LMTK2: variants seen among roughly 807,000 people sequenced by gnomAD.
The protein encoded by LMTK2 is serine/threonine-protein kinase LMTK2.
LMTK2 carries 37 observed loss-of-function variants against 127.5 expected under a neutral mutation model. That is an observed-to-expected ratio of 0.29 (90% CI 0.22 to 0.38). The LOEUF (loss-of-function observed/expected upper bound fraction) is 0.38, where lower values mean the gene tolerates loss of function less well. LMTK2 is among the 10% of genes least tolerant of loss of function. The probability of loss-of-function intolerance (pLI) is 1.00; values close to 1 mark genes in which losing one functional copy is unlikely to be tolerated. For synonymous variants in LMTK2, 819 were observed against 810.1 expected (o/e 1.01, Z -0.19); for missense variants, 1,694 against 1,920.3 (o/e 0.88, Z 2.20).
intron 11 of LMTK2, among the ~76,000 whole-genome samples, chr7:98,198,915 A>T (rs1330895906): frequency 6.6e-6 from 1 of 152,184 alleles, no homozygotes; most frequent in African/African-American, 2.4e-5. Flanking sequence ...TCTTGGGAGC[A>T]TAGATTAACA....
intron 11 of LMTK2, among the ~76,000 whole-genome samples, chr7:98,201,595 G>GTT (rs1797704711): frequency 8.3e-6 from 1 of 120,974 alleles, no homozygotes; most frequent in African/African-American, 2.7e-5. Context: ...ATTTCTTCGT[G>GTT]TGTGTGTTTT....
intron 1 of LMTK2, among the ~76,000 whole-genome samples, chr7:98,132,838 A>G (rs953120865): frequency 1.3e-5 from 2 of 152,194 alleles, no homozygotes; most frequent in African/African-American, 2.4e-5. Context: ...AGTTAATTAC[A>G]TATGGGTCCA....
At chr7:98,122,859 T>C (rs1424816967) in intron 1 of LMTK2, among the ~76,000 whole-genome samples, 1 of 152,064 alleles carries the variant, frequency 6.6e-6, no homozygotes, top group Non-Finnish European at 1.5e-5. Context: ...CTGCCTTCCA[T>C]GGTAGTATGC....
intron 1 of LMTK2, among the ~76,000 whole-genome samples, chr7:98,113,126 C>T (rs1312712361): frequency 6.6e-6 from 1 of 152,096 alleles, no homozygotes; most frequent in African/African-American, 2.4e-5. Context: ...TTGTAGTTCC[C>T]GTAATCCCCA....
rs1325289586 is a variant in LMTK2, at chr7:98,171,419, G to T, written c.658-122G>T. On this transcript the variant is annotated intron_variant, in intron 6 of 13. Transcript: ENST00000297293. The surrounding 1 kb of genome is among the most constrained non-coding windows in gnomAD (Gnocchi z 5.1). ...CAGTATTGGGTTGGAACTTCTTTAAGTATGAACAAAAGAAGTTTCTAATAA... is the reference window on the plus strand; with the variant it reads ...CAGTATTGGGTTGGAACTTCTTTAATTATGAACAAAAGAAGTTTCTAATAA... The T allele has an allele frequency of 7.1e-6, 9 of 1,268,668 alleles. No homozygotes were observed. Among genetic ancestry groups the T allele is most frequent in the Non-Finnish European group, 1.0e-5 (9 of 877,538 alleles). The allele number at this position is 1,268,668 out of a possible 1,614,324, so 78.6% of individuals were successfully genotyped here. A position where few individuals can be genotyped will look rare whatever the true frequency, so the allele number is the denominator to read the frequency against.
chr7:98,153,756 C>T (rs979475948), intron 4 of LMTK2, among the ~76,000 whole-genome samples: 1 of 151,974 alleles, frequency 6.6e-6, no homozygotes, highest in African/African-American at 2.4e-5. Context: ...GTCCCAGCTA[C>T]ACGGAAGGCT....
chr7:98,174,624 G>C (rs1318323170), intron 7 of LMTK2, among the ~76,000 whole-genome samples: 1 of 152,180 alleles, frequency 6.6e-6, no homozygotes, highest in African/African-American at 2.4e-5. Flanking sequence ...CTGCCTCCTC[G>C]CAGTGACTCA....
chr7:98,204,480 T>A (rs1434272797), intron 13 of LMTK2, among the ~76,000 whole-genome samples: 2 of 151,656 alleles, frequency 1.3e-5, no homozygotes, highest in African/African-American at 4.9e-5. Context: ...ACTAAAAAAT[T>A]AGCTGGATGT....
Position 98,171,385 on chromosome 7 carries a change from A to G in LMTK2, c.658-156A>G, listed in dbSNP as rs1797188089. On this transcript the variant is annotated intron_variant, in intron 6 of 13. Coordinates refer to ENST00000297293, the MANE Select transcript of LMTK2 (RefSeq NM_014916.4). The surrounding 1 kb of genome is among the most constrained non-coding windows in gnomAD (Gnocchi z 5.1). Reference sequence around the variant, plus strand: ...GTTCCTAAAAGCATAATAGTGTTCTATACTTTCGCAGTATTGGGTTGGAAC... The same window carrying G: ...GTTCCTAAAAGCATAATAGTGTTCTGTACTTTCGCAGTATTGGGTTGGAAC... Among the ~76,000 whole-genome samples, 2 of 152,244 alleles carry G rather than the reference A, an allele frequency of 1.3e-5. No homozygotes were observed. The highest frequency in any genetic ancestry group is 1.3e-4 in the Admixed American group (2 of 15,284).
At chr7:98,129,077 T>G (rs1796483576) in intron 1 of LMTK2, among the ~76,000 whole-genome samples, 1 of 151,896 alleles carries the variant, frequency 6.6e-6, no homozygotes, top group Admixed American at 6.6e-5. Flanking sequence ...AACGTAAGTT[T>G]ATTATTATTA....
At chr7:98,202,842 A>T (rs73406034) in intron 11 of LMTK2, among the ~76,000 whole-genome samples, 1 of 152,088 alleles carries the variant, frequency 6.6e-6, no homozygotes, top group Non-Finnish European at 1.5e-5. Context: ...GATGTCCCTG[A>T]TACTTGCAGT....
intron 1 of LMTK2, among the ~76,000 whole-genome samples, chr7:98,130,587 A>G (rs1335816950): frequency 1.3e-5 from 2 of 152,180 alleles, no homozygotes; most frequent in Non-Finnish European, 2.9e-5. Flanking sequence ...GGGGATGATC[A>G]AGTGAAAATG....
At chr7:98,135,913 T>C (rs1796588400) in intron 1 of LMTK2, among the ~76,000 whole-genome samples, 1 of 151,980 alleles carries the variant, frequency 6.6e-6, no homozygotes, top group Non-Finnish European at 1.5e-5. Context: ...CATTCTTTGC[T>C]GGAGAGTCAG....
chr7:98,187,308 G>GA (rs746711285), intron 9 of LMTK2, among the ~76,000 whole-genome samples: 16 of 152,186 alleles, frequency 1.1e-4, no homozygotes, highest in Non-Finnish European at 1.3e-4. Context: ...TTATTGAAGT[G>GA]AAAGAAGAAA....
chr7:98,154,517 G>T (rs1299677237), intron 4 of LMTK2, among the ~76,000 whole-genome samples: 1 of 152,140 alleles, frequency 6.6e-6, no homozygotes, highest in African/African-American at 2.4e-5. Context: ...AAAATAAATA[G>T]AAAAGAAATA....
intron 4 of LMTK2, 62 bp from the exon 5 acceptor site, chr7:98,154,696 A>G (rs939732081): frequency 9.5e-7 from 1 of 1,057,590 alleles, no homozygotes; most frequent in Non-Finnish European, 1.5e-6. Flanking sequence ...TTCCCGGTAA[A>G]TGCAGCAGAC....
intron 1 of LMTK2, among the ~76,000 whole-genome samples, chr7:98,119,067 G>A (rs530421547): frequency 1.4e-5 from 2 of 144,048 alleles, no homozygotes; most frequent in East Asian, 2.0e-4. Context: ...ACTCCCGCCT[G>A]GGTGACAGAG....
At chr7:98,172,021 C>T (rs746737968) in intron 7 of LMTK2, among the ~76,000 whole-genome samples, 43 of 152,200 alleles carry the variant, frequency 2.8e-4, no homozygotes, top group Non-Finnish European at 5.6e-4. Context: ...TCTGGTGCCA[C>T]CCGCCCGGTT....
At chr7:98,114,281 C>T (rs1796246464) in intron 1 of LMTK2, among the ~76,000 whole-genome samples, 1 of 146,988 alleles carries the variant, frequency 6.8e-6, no homozygotes, top group Non-Finnish European at 1.5e-5. Flanking sequence ...TGTTCTGTCA[C>T]TCAGGCTGGA....
Sources: gnomAD v4.1 joint callset for allele counts (sites outside exome capture counted in the v4.1 genomes callset) on GRCh38, gnomAD v4.1.1 for gene constraint, Gnocchi (gnomAD v3.1) non-coding constraint, MANE v1.5 for transcripts, NCBI Gene and HGNC (gene_info 2026-07-23, HGNC 2026-07-21) for gene names.